The following BTNL2 variants were observed in gnomAD, a reference collection of about 807,000 sequenced individuals.
The protein encoded by BTNL2 is butyrophilin like 2.
A neutral mutation model predicts 46.8 loss-of-function variants in BTNL2; 46 were observed. The observed-to-expected ratio is 0.98, with a 90% CI of 0.78 to 1.26. The LOEUF is 1.26. Among genes scored for constraint, BTNL2 ranks in the 50% most tolerant of loss-of-function variants. The pLI is 0.00. For missense variants in BTNL2, 461 were observed against 592.6 expected, an observed-to-expected ratio of 0.78 and a Z score of 2.31; for synonymous variants, 226 against 229.1, an observed-to-expected ratio of 0.99 and a Z score of 0.12.
At chr6:32,405,339 T>G in intron 1 of BTNL2, 53 bp from the exon 2 acceptor site, 4 of 1,536,894 alleles carry the variant, frequency 2.6e-6, no homozygotes, top group Non-Finnish European at 3.6e-6. Context: ...GAAAATCATA[T>G]GCATGCTTTG....
At chr6:32,401,685 G>A in intron 4 of BTNL2, 100 bp downstream of exon 4, 1 of 1,199,638 alleles carries the variant, frequency 8.3e-7, no homozygotes. Context: ...TCGTGCCTCA[G>A]TTTTTCCTCT....
chr6:32,402,263 A>C lies in BTNL2; in HGVS notation c.710-458T>G, dbSNP rs1776831429. Among the ~76,000 whole-genome samples, 3 of 152,232 alleles carry C rather than the reference A, an allele frequency of 2.0e-5. No individual in the cohort carries two copies. In the South Asian group the frequency reaches 6.2e-4, roughly 32 times the overall value. On this transcript the variant is annotated intron_variant, in intron 3 of 7. Transcript: ENST00000454136. ...TTTTAATCTATCCATTTATATGAAT[A>C]ACTGTATACTTATATCCAAATGTGG...
In BTNL2 at chr6:32,396,434, C is replaced by T; in HGVS notation, c.731-48G>A. 1.3e-6 allele frequency: 2 copies of T among 1,508,064 alleles called. No individual in the cohort carries two copies. Among genetic ancestry groups the T allele is most frequent in the Non-Finnish European group, 1.8e-6 (2 of 1,100,588 alleles). The allele number at this position is 1,508,064 out of a possible 1,614,324, so 93.4% of individuals were successfully genotyped here. A position where few individuals can be genotyped will look rare whatever the true frequency, so the allele number is the denominator to read the frequency against. ...CACAATGAAAGAATCAAAATGGAAC[C>T]AATAATGTCATCTCTAAGAACAGCT... On this transcript the variant is annotated intron_variant, in intron 4 of 7. Transcript: ENST00000454136. This position sits in a 1 kb window ranked among gnomAD's most constrained non-coding sequence, Gnocchi z 4.4.
At position 32,396,577 on chromosome 6, in the gene BTNL2, T is replaced by C; in HGVS notation, c.731-191A>G. 1 of 620,744 alleles carries C rather than the reference T, an allele frequency of 1.6e-6. No individual in the cohort carries two copies. Among genetic ancestry groups the C allele is most frequent in the East Asian group, 2.8e-5 (1 of 35,528 alleles). The allele number at this position is 620,744 out of a possible 1,614,324, so 38.5% of individuals were successfully genotyped here. ...GAGGTTGCTCTTCTTTAAGGAGGAA[T>C]CATTCCATGATGTGTGTCAGTCTGA... On this transcript the variant is annotated intron_variant, in intron 4 of 7. Transcript: ENST00000454136. This position sits in a 1 kb window ranked among gnomAD's most constrained non-coding sequence, Gnocchi z 4.4.
chr6:32,399,700 T>C lies in BTNL2; in HGVS notation c.730+2085A>G, dbSNP rs116848553. ...ATGAGGATAAAGCAATTAAACTTTATAATTATTGTAAGAAAAAATGAAATA... is the reference window on the plus strand; with the variant it reads ...ATGAGGATAAAGCAATTAAACTTTACAATTATTGTAAGAAAAAATGAAATA... On this transcript the variant is annotated intron_variant, in intron 4 of 7. Coordinates refer to ENST00000454136, the MANE Select transcript of BTNL2 (RefSeq NM_001304561.2). The surrounding 1 kb of genome is among the most constrained non-coding windows in gnomAD (Gnocchi z 5.2). Among the ~76,000 whole-genome samples the C allele has an allele frequency of 0.018, 2,671 of 152,342 alleles. 78 individuals carry two copies. Among genetic ancestry groups the C allele is most frequent in the East Asian group, 0.11 (569 of 5,186 alleles).
chr6:32,405,253 A>G lies in BTNL2; in HGVS notation c.113T>C (p.Ile38Thr). ...GGCATCTTCCCCAACCCCGGCCAGGATAGGATGAGCAGGGCCAATGACTCT... is the reference window on the plus strand; with the variant it reads ...GGCATCTTCCCCAACCCCGGCCAGGGTAGGATGAGCAGGGCCAATGACTCT... ...DFRVIGPAHPILAGVGEDALL... is the reference protein window; with the variant it reads ...DFRVIGPAHPTLAGVGEDALL... The change falls in exon 2 of 8, where the codon ATC (isoleucine) becomes ACC (threonine). Residue 38 changes from isoleucine (I) to threonine (T), a missense_variant. Physicochemically the swap from Ile to Thr is moderately conservative, Grantham distance 89. Coordinates refer to ENST00000454136, the MANE Select transcript of BTNL2 (RefSeq NM_001304561.2). The G allele has an allele frequency of 6.2e-7, 1 of 1,613,062 alleles. No individual in the cohort carries two copies. The highest frequency in any genetic ancestry group is 8.5e-7 in the Non-Finnish European group (1 of 1,180,028).
In BTNL2 at chr6:32,393,712, T is replaced by A. The variant is rs1776260783; in HGVS notation, c.*6+251A>T. On this transcript the variant is annotated intron_variant, in intron 7 of 7. Coordinates refer to ENST00000454136, the MANE Select transcript of BTNL2 (RefSeq NM_001304561.2). This position sits in a 1 kb window ranked among gnomAD's most constrained non-coding sequence, Gnocchi z 4.8. ...CTTCCCTAACCAGATCACTGGGGAA[T>A]GGGCAGCAGGAAATCAAATCATTAT... 1 of 372,208 alleles carries A rather than the reference T, an allele frequency of 2.7e-6. No homozygotes were observed. The highest frequency in any genetic ancestry group is 2.1e-5 in the African/African-American group (1 of 47,498). The allele number at this position is 372,208 out of a possible 1,614,324, so 23.1% of individuals were successfully genotyped here.
Position 32,396,116 on chromosome 6 carries a change from G to C in BTNL2, c.1001C>G (p.Ser334Trp), listed in dbSNP as rs28362679. ...AAGGCAGCGGTACTGCCCGTCGTCC[G>C]AAGGTCTGGCACTGAGTATCTGCAG... ...LTLQILSARP[S>W]DDGQYRCLFE... Residue 334 changes from serine to tryptophan, a missense_variant, in exon 5 of 8, where the codon TCG becomes TGG. By Grantham distance (177) the Ser-to-Trp change is radical. Coordinates refer to ENST00000454136, the MANE Select transcript of BTNL2 (RefSeq NM_001304561.2). This position sits in a 1 kb window ranked among gnomAD's most constrained non-coding sequence, Gnocchi z 4.4. 1.1e-5 allele frequency: 18 copies of C among 1,612,952 alleles called. No individual in the cohort carries two copies. The highest frequency in any genetic ancestry group is 4.0e-5 in the African/African-American group (3 of 74,908).
intron 1 of BTNL2, chr6:32,406,181 T>TC (rs1777136097): frequency 6.6e-6 from 1 of 152,314 alleles, no homozygotes; most frequent in South Asian, 2.1e-4. Flanking sequence ...TAGATGCTGC[T>TC]CAAAAGGTGG....
chr6:32,393,794 G>T lies in BTNL2; in HGVS notation c.*6+169C>A. On this transcript the variant is annotated intron_variant, in intron 7 of 7. Coordinates refer to ENST00000454136, the MANE Select transcript of BTNL2 (RefSeq NM_001304561.2). The surrounding 1 kb of genome is among the most constrained non-coding windows in gnomAD (Gnocchi z 4.8). ...AAACACTGACCTCATGCATCACTGAGCCTGGATTGCATGATAAGCCCTGGG... is the reference window on the plus strand; with the variant it reads ...AAACACTGACCTCATGCATCACTGATCCTGGATTGCATGATAAGCCCTGGG... The T allele has an allele frequency of 1.2e-6, 1 of 860,876 alleles. No homozygotes were observed. The highest frequency in any genetic ancestry group is 2.2e-5 in the South Asian group (1 of 46,504). 53.3% of individuals were successfully genotyped at this position (860,876 alleles called of 1,614,324 possible). A position where few individuals can be genotyped will look rare whatever the true frequency, so the allele number is the denominator to read the frequency against.
intron 3 of BTNL2, among the ~76,000 whole-genome samples, 188 bp downstream of exon 3, chr6:32,402,747 G>A (rs569514755): frequency 0.017 from 2,659 of 152,290 alleles, 78 homozygotes; most frequent in East Asian, 0.11. Flanking sequence ...AAATAACGCA[G>A]GCGCCATAAC....
At chr6:32,402,869 A>G (rs62404561) in intron 3 of BTNL2, 66 bp downstream of exon 3, 144,064 of 1,502,530 alleles carry the variant, frequency 0.096, 9,874 homozygotes, top group East Asian at 0.35. Context: ...ACGAGGTGCT[A>G]TGGTGCAGTC....
Position 32,393,804 on chromosome 6 carries a change from C to T in BTNL2, c.*6+159G>A. On this transcript the variant is annotated intron_variant, in intron 7 of 7. Transcript: ENST00000454136. The surrounding 1 kb of genome is among the most constrained non-coding windows in gnomAD (Gnocchi z 4.8). The stretch of plus-strand genomic sequence containing the variant: ...CTCATGCATCACTGAGCCTGGATTG[C>T]ATGATAAGCCCTGGGCTTTCCTGTT... 1.0e-6 allele frequency: 1 copy of T among 992,680 alleles called. No homozygotes were observed. The highest frequency in any genetic ancestry group is 1.4e-6 in the Non-Finnish European group (1 of 708,188). 61.5% of individuals were successfully genotyped at this position (992,680 alleles called of 1,614,324 possible).
chr6:32,404,452 C>T (rs1465486368), intron 2 of BTNL2, among the ~76,000 whole-genome samples: 1 of 152,180 alleles, frequency 6.6e-6, no homozygotes, highest in Non-Finnish European at 1.5e-5. Flanking sequence ...TAACAATCTC[C>T]AAAGCACGAC....
chr6:32,402,845 C>G (rs1776864332), intron 3 of BTNL2, 90 bp downstream of exon 3: 1 of 1,320,652 alleles, frequency 7.6e-7, no homozygotes. Context: ...TAGATAATGT[C>G]TCTTGATAAA....
Position 32,396,285 on chromosome 6 carries a change from T to C in BTNL2, c.832A>G (p.Met278Val). The change falls in exon 5 of 8, where the codon ATG becomes GTG. Residue 278 changes from methionine (M) to valine (V), a missense_variant. Coordinates refer to ENST00000454136, the MANE Select transcript of BTNL2 (RefSeq NM_001304561.2). This position sits in a 1 kb window ranked among gnomAD's most constrained non-coding sequence, Gnocchi z 4.4. ...TGGGATCGGTCCCACCTCACCTCCA[T>C]GCTCTGTGCATTCGCCTTGGGGGAC... The part of the protein sequence containing the change: ...YLSPKANAQS[M>V]EVRWDRSHRY... The C allele has an allele frequency of 6.2e-7, 1 of 1,612,994 alleles. No homozygotes were observed. Among genetic ancestry groups the C allele is most frequent in the Non-Finnish European group, 8.5e-7 (1 of 1,179,930 alleles).
At chr6:32,406,887 C>T (rs1456886029) in intron 1 of BTNL2, 158 bp downstream of exon 1, 3 of 624,506 alleles carry the variant, frequency 4.8e-6, no homozygotes, top group African/African-American at 3.6e-5. Context: ...TGGAGGAGCT[C>T]CTGGGAGTGG....
intron 2 of BTNL2, 73 bp downstream of exon 2, chr6:32,404,866 A>G: frequency 7.2e-7 from 1 of 1,390,486 alleles, no homozygotes; most frequent in Non-Finnish European, 1.0e-6. Context: ...GATTTCCTCA[A>G]CTGTCACAAA....
chr6:32,406,439 CTCTG>C (rs1777154942), intron 1 of BTNL2: 1 of 151,358 alleles, frequency 6.6e-6, no homozygotes, highest in Non-Finnish European at 1.5e-5. Context: ...CCCTCTGATG[CTCTG>C]TGTCGTGTTT....
Sources: gnomAD v4.1 joint callset for allele counts (sites outside exome capture counted in the v4.1 genomes callset) on GRCh38, gnomAD v4.1.1 for gene constraint, Gnocchi (gnomAD v3.1) non-coding constraint, MANE v1.5 for transcripts, NCBI Gene and HGNC (gene_info 2026-07-23, HGNC 2026-07-21) for gene names.